CEP192: variants seen among roughly 807,000 people sequenced by gnomAD.
The protein encoded by CEP192 is centrosomal protein of 192 kDa.
CEP192 carries 151 observed loss-of-function variants against 271.8 expected under a neutral mutation model. That is an observed-to-expected ratio of 0.56 (90% CI 0.49 to 0.64). The LOEUF is 0.64. Among genes scored for constraint, CEP192 ranks in the 30% least tolerant of loss-of-function variants. The pLI is 0.00. For synonymous variants in CEP192, 995 were observed against 1,076.5 expected, an observed-to-expected ratio of 0.92 and a Z score of 1.48; for missense variants, 2,910 against 3,020.5, an observed-to-expected ratio of 0.96 and a Z score of 0.86.
chr18:13,069,792 C>T lies in CEP192; in HGVS notation c.5110C>T (p.Pro1704Ser), dbSNP rs1235384986. Residue 1704 changes from proline to serine, a missense_variant, in exon 27 of 45, where the codon CCT becomes TCT. Physicochemically the swap from Pro to Ser is moderately conservative, Grantham distance 74 (BLOSUM62 -1). Transcript: ENST00000506447. The part of the protein sequence containing the change: ...SVDPKNLLLK[P>S]GEEHEVIVSF... ...GGATCCAAAGAATCTACTCCTTAAA[C>T]CTGGAGAAGAACATGAGGTTATTGT... 2 of 1,603,884 alleles carry T rather than the reference C, an allele frequency of 1.2e-6. No individual in the cohort carries two copies. The highest frequency in any genetic ancestry group is 1.3e-5 in the African/African-American group (1 of 74,506).
intron 9 of CEP192, among the ~76,000 whole-genome samples, chr18:13,021,062 T>A (rs2034962598): frequency 6.6e-6 from 1 of 152,202 alleles, no homozygotes; most frequent in African/African-American, 2.4e-5. Flanking sequence ...GCAAAAATTT[T>A]AAATTATGAT....
chr18:13,068,338 AT>A lies in CEP192; in HGVS notation c.4759-16del. On this transcript the variant is annotated intron_variant, in intron 23 of 44. Coordinates refer to ENST00000506447, the MANE Select transcript of CEP192 (RefSeq NM_032142.4). The stretch of plus-strand genomic sequence containing the variant: ...TTAATACCAGTTTACATTAAGACAA[AT>A]TTTTCTTTTAATTTTATAGGATCCA... 1 of 1,608,260 alleles carries A rather than the reference AT, an allele frequency of 6.2e-7. No individual in the cohort carries two copies. Among genetic ancestry groups the A allele is most frequent in the Non-Finnish European group, 8.5e-7 (1 of 1,176,812 alleles).
chr18:13,049,551 G>T lies in CEP192; in HGVS notation c.2760G>T (p.Leu920=), dbSNP rs776985659. 1 of 1,613,960 alleles carries T rather than the reference G, an allele frequency of 6.2e-7. No individual in the cohort carries two copies. The highest frequency in any genetic ancestry group is 1.6e-4 in the Middle Eastern group (1 of 6,062). The change falls in exon 16 of 45, where the codon CTG becomes CTT. Residue 920 remains leucine (L), a synonymous_variant. Transcript: ENST00000506447. ...VRNPRITSLC[L]LKDCEEIRDN... ...ACCCCAGAATAACATCCCTTTGTCT[G>T]TTAAAAGACTGTGAAGAAATACGAG...
chr18:13,068,055 T>C, intron 22 of CEP192, 39 bp from the exon 23 acceptor site: 1 of 1,611,036 alleles, frequency 6.2e-7, no homozygotes, highest in Non-Finnish European at 8.5e-7. Context: ...AGCATTACAC[T>C]GTTGGCTTTA....
intron 30 of CEP192, among the ~76,000 whole-genome samples, chr18:13,081,460 T>A (rs954762489): frequency 6.6e-6 from 1 of 152,230 alleles, no homozygotes; most frequent in Non-Finnish European, 1.5e-5. Flanking sequence ...TAGTTTGTAT[T>A]TCTGTGGGAT....
At chr18:13,103,368 C>A (rs1410422988) in intron 38 of CEP192, 141 bp from the exon 39 acceptor site, 1 of 640,598 alleles carries the variant, frequency 1.6e-6, no homozygotes, top group African/African-American at 1.8e-5. Flanking sequence ...AAAGAAAATA[C>A]TGTGGTTCTT....
intron 14 of CEP192, among the ~76,000 whole-genome samples, chr18:13,041,309 CTA>C (rs893743131): frequency 1.3e-5 from 2 of 152,188 alleles, no homozygotes; most frequent in Admixed American, 1.3e-4. Context: ...CTATGATAAT[CTA>C]TGATAATTTT....
At chr18:13,097,194 G>C (rs1429308869) in intron 36 of CEP192, among the ~76,000 whole-genome samples, 1 of 152,174 alleles carries the variant, frequency 6.6e-6, no homozygotes, top group Non-Finnish European at 1.5e-5. Context: ...TGGTAGAACA[G>C]GTTCCTCACA....
intron 4 of CEP192, 39 bp from the exon 5 acceptor site, chr18:13,012,933 AT>A: frequency 8.4e-7 from 1 of 1,190,226 alleles, no homozygotes; most frequent in African/African-American, 1.5e-5. Context: ...GGTTGATAAA[AT>A]AACCTGGTCT....
intron 21 of CEP192, 92 bp from the exon 22 acceptor site, chr18:13,067,739 A>G: frequency 9.3e-7 from 1 of 1,070,478 alleles, no homozygotes; most frequent in Non-Finnish European, 1.4e-6. Context: ...CTGACTCATA[A>G]TTTGTGGCTA....
chr18:13,013,090 G>A (rs1188254479), intron 5 of CEP192, 65 bp downstream of exon 5: 9 of 781,188 alleles, frequency 1.2e-5, no homozygotes, highest in African/African-American at 3.6e-5. Context: ...TTCATATTTC[G>A]CATATATAAC....
intron 2 of CEP192, among the ~76,000 whole-genome samples, chr18:13,000,644 C>G (rs1455534870): frequency 6.6e-6 from 1 of 152,226 alleles, no homozygotes; most frequent in African/African-American, 2.4e-5. Context: ...CTCCTGAAGT[C>G]AAGTTTCTCT....
chr18:13,017,774 T>A (rs1438415729), intron 7 of CEP192, among the ~76,000 whole-genome samples: 57 of 152,240 alleles, frequency 3.7e-4, no homozygotes, highest in Non-Finnish European at 2.9e-5. Context: ...TTTAAATTAC[T>A]GTACAGTCCA....
chr18:13,055,859 T>A lies in CEP192; in HGVS notation c.3269T>A (p.Leu1090Ter), dbSNP rs751916602. The A allele has an allele frequency of 6.2e-7, 1 of 1,613,546 alleles. No individual in the cohort carries two copies. Among genetic ancestry groups the A allele is most frequent in the Non-Finnish European group, 8.5e-7 (1 of 1,179,850 alleles). The part of the protein sequence containing the change: ...AALEERAMEK[L>*]REKVPFQNRG... ...TTGGAGGAACGGGCTATGGAAAAAT[T>A]GAGAGAAAAAGTTCCATTTCAGAAT... The change falls in exon 19 of 45, where the codon TTG becomes TAG. Residue 1090 changes from leucine (L) to a stop codon, truncating the protein, a stop_gained. Transcript: ENST00000506447. LOFTEE classifies it high-confidence loss of function.
intron 11 of CEP192, among the ~76,000 whole-genome samples, chr18:13,033,097 T>C (rs907369133): frequency 6.6e-6 from 1 of 152,190 alleles, no homozygotes; most frequent in Non-Finnish European, 1.5e-5. Flanking sequence ...GCAGATGTGT[T>C]CAGATTGTGA....
intron 44 of CEP192, among the ~76,000 whole-genome samples, chr18:13,122,189 G>A (rs1598663611): frequency 6.6e-6 from 1 of 152,098 alleles, no homozygotes; most frequent in African/African-American, 2.4e-5. Context: ...TTTGGGAGGC[G>A]GAGGCGGGTG....
intron 43 of CEP192, among the ~76,000 whole-genome samples, chr18:13,116,747 C>CTACAGGT (rs1448627321): frequency 1.3e-5 from 2 of 151,964 alleles, no homozygotes; most frequent in Non-Finnish European, 2.9e-5. Context: ...GTAGCTGGGA[C>CTACAGGT]TACAGGTGCC....
chr18:13,018,297 T>C (rs1200869080), intron 7 of CEP192, among the ~76,000 whole-genome samples, 183 bp from the exon 8 acceptor site: 1 of 152,190 alleles, frequency 6.6e-6, no homozygotes, highest in African/African-American at 2.4e-5. Context: ...AACTCTTCAC[T>C]AGCTGGTTTC....
At chr18:13,095,702 A>T in intron 35 of CEP192, 21 bp downstream of exon 35, 1 of 1,604,784 alleles carries the variant, frequency 6.2e-7, no homozygotes, top group Middle Eastern at 1.7e-4. Context: ...CAACTGTGAC[A>T]CCTCAGAGGT....
Sources: gnomAD v4.1 joint callset for allele counts (sites outside exome capture counted in the v4.1 genomes callset) on GRCh38, gnomAD v4.1.1 for gene constraint, MANE v1.5 for transcripts, NCBI Gene and HGNC (gene_info 2026-07-23, HGNC 2026-07-21) for gene names.